Variants in PTPRQ observed in about 807,000 individuals in gnomAD.
PTPRQ encodes the protein phosphatidylinositol phosphatase PTPRQ.
PTPRQ carries 199 observed loss-of-function variants against 246.0 expected under a neutral mutation model. That is an observed-to-expected ratio of 0.81 (90% CI 0.72 to 0.91). The LOEUF (loss-of-function observed/expected upper bound fraction) is 0.91, where lower values mean the gene tolerates loss of function less well. PTPRQ is among the 40% of genes least tolerant of loss of function. PTPRQ has a pLI of 0.00. For synonymous variants in PTPRQ, 869 were observed against 853.2 expected (o/e 1.02, Z -0.32); for missense variants, 2,624 against 2,528.4 (o/e 1.04, Z -0.81).
chr12:80,618,595 A>G lies in PTPRQ; in HGVS notation c.5231-789A>G, dbSNP rs116651332. ...TCTTAGGAATCTATTTCATAGAGAC[A>G]AAAAGATCAGTAAATAAAGCTCATT... is the stretch of plus-strand genomic sequence containing the variant. On this transcript the variant is annotated intron_variant, in intron 30 of 44. Coordinates refer to ENST00000644991, the MANE Select transcript of PTPRQ (RefSeq NM_001145026.2). 5.1e-3 allele frequency among the ~76,000 whole-genome samples: 767 copies of G among 151,714 alleles called. 3 individuals carry two copies. Among genetic ancestry groups the G allele is most frequent in the African/African-American group, 0.017 (709 of 41,480 alleles).
rs563621940 is a variant in PTPRQ, at chr12:80,591,590, C to A, written c.4609+3138C>A. ...GATGACGATACTATAACAAAGATAG[C>A]AAAAATATAGAAAAAATTCAGTTTA... is the stretch of plus-strand genomic sequence containing the variant. On this transcript the variant is annotated intron_variant, in intron 26 of 44. Transcript: ENST00000644991. Among the ~76,000 whole-genome samples the A allele has an allele frequency of 8.5e-5, 13 of 152,174 alleles. No individual in the cohort carries two copies. In the East Asian group the frequency reaches 2.5e-3, roughly 29 times the overall value.
intron 20 of PTPRQ, among the ~76,000 whole-genome samples, chr12:80,540,893 T>C (rs1896130890): frequency 6.6e-6 from 1 of 152,120 alleles, no homozygotes; most frequent in African/African-American, 2.4e-5. Context: ...TTCCACACCA[T>C]GGATAATAAG....
At chr12:80,661,048 C>G (rs1337205795) in intron 39 of PTPRQ, among the ~76,000 whole-genome samples, 4 of 151,752 alleles carry the variant, frequency 2.6e-5, no homozygotes, top group African/African-American at 9.7e-5. Context: ...ATCTTACTAT[C>G]AATCCTTCAA....
chr12:80,538,661 T>C (rs191965375), intron 19 of PTPRQ, among the ~76,000 whole-genome samples: 19 of 152,328 alleles, frequency 1.2e-4, no homozygotes, highest in African/African-American at 4.6e-4. Flanking sequence ...AAAAGAACCA[T>C]AAAATTTTGC....
chr12:80,527,388 G>T (rs948516511), intron 17 of PTPRQ, among the ~76,000 whole-genome samples: 7 of 151,940 alleles, frequency 4.6e-5, no homozygotes, highest in African/African-American at 1.2e-4. Context: ...TAAAAATTGT[G>T]TTCTAACATT....
chr12:80,572,125 G>A (rs1012234712), intron 25 of PTPRQ, among the ~76,000 whole-genome samples: 14 of 151,860 alleles, frequency 9.2e-5, no homozygotes, highest in African/African-American at 3.4e-4. Flanking sequence ...ATCTATACAT[G>A]GGGAGAATTG....
At chr12:80,522,891 G>T (rs1357055663) in intron 17 of PTPRQ, among the ~76,000 whole-genome samples, 1 of 152,162 alleles carries the variant, frequency 6.6e-6, no homozygotes, top group African/African-American at 2.4e-5. Flanking sequence ...ATGAGTTAGG[G>T]AGGATTCTCT....
intron 25 of PTPRQ, among the ~76,000 whole-genome samples, chr12:80,550,820 A>G (rs1044675375): frequency 2.0e-5 from 3 of 152,156 alleles, no homozygotes. Context: ...AAATATGTTC[A>G]TAGGAATACT....
intron 26 of PTPRQ, among the ~76,000 whole-genome samples, chr12:80,589,634 T>C (rs571318274): frequency 6.6e-6 from 1 of 152,348 alleles, no homozygotes; most frequent in African/African-American, 2.4e-5. Context: ...TCCCAGAGTA[T>C]CTGGCATAAT....
At chr12:80,488,763 T>C (rs906527769) in intron 9 of PTPRQ, among the ~76,000 whole-genome samples, 3 of 152,052 alleles carry the variant, frequency 2.0e-5, no homozygotes, top group African/African-American at 7.2e-5. Flanking sequence ...TTACCCTTAT[T>C]GAATTTTTTT....
chr12:80,502,080 G>T (rs982604054), intron 14 of PTPRQ, among the ~76,000 whole-genome samples: 1 of 151,946 alleles, frequency 6.6e-6, no homozygotes, highest in Non-Finnish European at 1.5e-5. Flanking sequence ...ATATTACAGT[G>T]TATGTGTGTT....
chr12:80,506,367 G>A (rs1894961017), intron 15 of PTPRQ, among the ~76,000 whole-genome samples, 161 bp downstream of exon 15: 1 of 151,840 alleles, frequency 6.6e-6, no homozygotes. Flanking sequence ...TCACATGAAA[G>A]AATACTATAG....
intron 3 of PTPRQ, among the ~76,000 whole-genome samples, chr12:80,452,726 G>A (rs898091921): frequency 5.3e-5 from 8 of 152,328 alleles, no homozygotes; most frequent in Non-Finnish European, 8.8e-5. Context: ...AGTTTCTACT[G>A]AGAGATCCGC....
Position 80,495,414 on chromosome 12 carries a change from C to T in PTPRQ, c.1882+43C>T, listed in dbSNP as rs767286191. On this transcript the variant is annotated intron_variant, in intron 12 of 44. Transcript: ENST00000644991. ...GTTGTTGTTGTTGTTGTTCATTTTA[C>T]ATTTCTATTCTGGTGGAAAATATGC... The T allele has an allele frequency of 2.1e-5, 31 of 1,470,082 alleles. 1 individual carries two copies. The South Asian group carries it at 2.7e-4, about 13-fold the overall frequency. The allele number at this position is 1,470,082 out of a possible 1,614,324, so 91.1% of individuals were successfully genotyped here.
chr12:80,483,331 T>A (rs1458531617), intron 8 of PTPRQ, among the ~76,000 whole-genome samples: 1,594 of 134,506 alleles, frequency 0.012, 37 homozygotes, highest in African/African-American at 0.042. Flanking sequence ...AACAATGAGA[T>A]CACATGGACA....
chr12:80,661,515 A>C (rs1456703910), intron 39 of PTPRQ, among the ~76,000 whole-genome samples: 1 of 151,530 alleles, frequency 6.6e-6, no homozygotes, highest in African/African-American at 2.4e-5. Context: ...AAACATATAC[A>C]TATATGTGTA....
Position 80,500,797 on chromosome 12 carries a change from A to G in PTPRQ, c.2272+4266A>G, listed in dbSNP as rs1894775624. On this transcript the variant is annotated intron_variant, in intron 14 of 44. Transcript: ENST00000644991. ...AGTAAACAAGACACAATAAATCTCTACCTTCCTGAAACTTGACACTAGACA... is the reference window on the plus strand; with the variant it reads ...AGTAAACAAGACACAATAAATCTCTGCCTTCCTGAAACTTGACACTAGACA... 2.6e-5 allele frequency among the ~76,000 whole-genome samples: 4 copies of G among 152,004 alleles called. No homozygotes were observed. In the Admixed American group the frequency reaches 2.6e-4, roughly 10 times the overall value.
At position 80,444,289 on chromosome 12, in the gene PTPRQ, C is replaced by G. The variant is rs1446949728; in HGVS notation, c.-57C>G. The G allele has an allele frequency of 4.6e-6, 4 of 874,434 alleles. No homozygotes were observed. Among genetic ancestry groups the G allele is most frequent in the African/African-American group, 1.7e-5 (1 of 58,482 alleles). 54.2% of individuals were successfully genotyped at this position (874,434 alleles called of 1,614,324 possible). A position where few individuals can be genotyped will look rare whatever the true frequency, so the allele number is the denominator to read the frequency against. On this transcript the variant is annotated 5_prime_UTR_variant, in exon 1 of 45. Coordinates refer to ENST00000644991, the MANE Select transcript of PTPRQ (RefSeq NM_001145026.2). The stretch of plus-strand genomic sequence containing the variant: ...TCTGTCTTTAAATCATTAATGCAGG[C>G]AACATTTCTCTCTAGAGCCATCAAT...
chr12:80,659,787 G>A (rs767756132), intron 39 of PTPRQ, among the ~76,000 whole-genome samples: 1 of 151,986 alleles, frequency 6.6e-6, no homozygotes, highest in Admixed American at 6.6e-5. Context: ...TTACAACAAC[G>A]TCACTATGAC....
Sources: allele counts gnomAD v4.1 joint callset (sites outside exome capture counted in the v4.1 genomes callset), GRCh38; gene constraint gnomAD v4.1.1; transcripts MANE v1.5; gene names NCBI Gene and HGNC (gene_info 2026-07-23, HGNC 2026-07-21).